The following NTRK3 variants were observed in gnomAD, a reference collection of about 807,000 sequenced individuals.
NTRK3 encodes NT-3 growth factor receptor.
NTRK3 carries 24 observed loss-of-function variants against 91.7 expected under a neutral mutation model. The ratio of observed to expected loss-of-function variants is 0.26; its 90% confidence interval spans 0.19 to 0.37. The LOEUF (loss-of-function observed/expected upper bound fraction) is 0.37, where lower values mean the gene tolerates loss of function less well. Among genes scored for constraint, NTRK3 ranks in the 10% least tolerant of loss-of-function variants. The pLI is 1.00. For synonymous variants in NTRK3, 483 were observed against 404.0 expected (o/e 1.20, Z -2.34); for missense variants, 880 against 1,068.9 (o/e 0.82, Z 2.46).
intron 14 of NTRK3, among the ~76,000 whole-genome samples, chr15:87,973,050 C>T (rs114477789): frequency 6.4e-4 from 98 of 152,284 alleles, no homozygotes; most frequent in African/African-American, 2.3e-3. Flanking sequence ...TGTCATTCCT[C>T]GCCATCCTGG....
chr15:88,145,754 C>T (rs569252004), intron 6 of NTRK3, among the ~76,000 whole-genome samples: 22 of 152,266 alleles, frequency 1.4e-4, no homozygotes, highest in Admixed American at 5.2e-4. Context: ...GAAGGGACTA[C>T]GGGTTCCAGA....
chr15:87,952,415 C>A (rs1227563156), intron 14 of NTRK3, among the ~76,000 whole-genome samples: 4 of 152,266 alleles, frequency 2.6e-5, no homozygotes, highest in African/African-American at 9.6e-5. Flanking sequence ...CTCTGTTGGG[C>A]TGCTCTGGTT....
chr15:87,939,482 T>G (rs2069603924), intron 15 of NTRK3, among the ~76,000 whole-genome samples: 1 of 152,240 alleles, frequency 6.6e-6, no homozygotes, highest in Non-Finnish European at 1.5e-5. Context: ...ATGCTATGCC[T>G]GCACTGTATT....
intron 3 of NTRK3, among the ~76,000 whole-genome samples, chr15:88,229,336 C>T (rs556913555): frequency 6.6e-6 from 1 of 152,150 alleles, no homozygotes; most frequent in African/African-American, 2.4e-5. Flanking sequence ...AGCAGGAGAA[C>T]TAGGATCAAA....
rs1425480581 is a variant in NTRK3, at chr15:88,146,216, A to G, written c.464+1119T>C. ...CAGTACACAAGGTCATCATGGGGTG[A>G]TAGGCTACTGGGATGCTTGATGTAA... is the stretch of plus-strand genomic sequence containing the variant. On this transcript the variant is annotated intron_variant, in intron 6 of 18. Coordinates refer to ENST00000394480, the Ensembl canonical transcript of NTRK3. Among the ~76,000 whole-genome samples the G allele has an allele frequency of 2.6e-5, 4 of 152,166 alleles. No individual in the cohort carries two copies. The East Asian group carries it at 7.7e-4, about 29-fold the overall frequency.
At chr15:88,116,304 G>T (rs1597400775) in intron 13 of NTRK3, among the ~76,000 whole-genome samples, 1 of 152,116 alleles carries the variant, frequency 6.6e-6, no homozygotes, top group Non-Finnish European at 1.5e-5. Flanking sequence ...GGTTATAGAG[G>T]CCCGGTGTGG....
exon 19 of NTRK3, chr15:87,864,722 CA>C (rs1242499401): frequency 4.4e-6 from 1 of 226,286 alleles, no homozygotes; most frequent in Non-Finnish European, 8.8e-6. Flanking sequence ...ATGCTAATGG[CA>C]AAACTTCTAA....
chr15:88,057,513 A>C (rs892346272), intron 13 of NTRK3, among the ~76,000 whole-genome samples: 2 of 152,016 alleles, frequency 1.3e-5, no homozygotes, highest in Non-Finnish European at 2.9e-5. Context: ...AAAAAAAAAA[A>C]AGAAAGAAAT....
chr15:87,971,954 G>A (rs2073291176), intron 14 of NTRK3, among the ~76,000 whole-genome samples: 1 of 152,186 alleles, frequency 6.6e-6, no homozygotes, highest in African/African-American at 2.4e-5. Context: ...ACATTACGAG[G>A]TCCCAAACAG....
At chr15:88,242,211 C>T (rs1247730753) in intron 3 of NTRK3, among the ~76,000 whole-genome samples, 1 of 152,196 alleles carries the variant, frequency 6.6e-6, no homozygotes, top group Non-Finnish European at 1.5e-5. Flanking sequence ...CTTCATCTCA[C>T]ACAGGCAGAG....
chr15:87,915,950 C>T (rs1360854764), intron 17 of NTRK3, among the ~76,000 whole-genome samples: 2 of 152,074 alleles, frequency 1.3e-5, no homozygotes, highest in East Asian at 1.9e-4. Flanking sequence ...AGTGGGTGCT[C>T]GGCCCATCTG....
intron 14 of NTRK3, among the ~76,000 whole-genome samples, chr15:87,995,884 G>C (rs949859464): frequency 3.5e-4 from 53 of 152,176 alleles, no homozygotes; most frequent in African/African-American, 1.3e-3. Context: ...ATTGAAATTT[G>C]AATTTCATAT....
chr15:88,034,300 T>TG (rs2078877774), intron 13 of NTRK3, among the ~76,000 whole-genome samples: 1 of 152,144 alleles, frequency 6.6e-6, no homozygotes, highest in African/African-American at 2.4e-5. Context: ...AAGAACATCA[T>TG]TTGTGTCTTC....
intron 5 of NTRK3, among the ~76,000 whole-genome samples, chr15:88,173,021 A>G (rs2045661640): frequency 6.6e-6 from 1 of 152,194 alleles, no homozygotes; most frequent in Non-Finnish European, 1.5e-5. Context: ...TATCCATTGA[A>G]AATCTGAAGC....
chr15:88,161,018 T>C (rs888763505), intron 5 of NTRK3, among the ~76,000 whole-genome samples: 3 of 152,298 alleles, frequency 2.0e-5, no homozygotes, highest in African/African-American at 4.8e-5. Context: ...TCAAGATAAA[T>C]TAATGCATGT....
intron 18 of NTRK3, among the ~76,000 whole-genome samples, chr15:87,879,122 C>A (rs529296032): frequency 6.6e-6 from 1 of 152,040 alleles, no homozygotes; most frequent in Non-Finnish European, 1.5e-5. Context: ...AGATAGTACA[C>A]GTTTTAAAAA....
intron 18 of NTRK3, 45 bp downstream of exon 19, chr15:87,880,225 T>G (rs2065168298): frequency 6.2e-7 from 1 of 1,613,114 alleles, no homozygotes. Flanking sequence ...AGATAGCTCT[T>G]ATGAGCCCTC....
At chr15:87,985,308 A>G (rs1039056211) in intron 14 of NTRK3, among the ~76,000 whole-genome samples, 3 of 152,214 alleles carry the variant, frequency 2.0e-5, no homozygotes, top group Non-Finnish European at 4.4e-5. Context: ...ATTGCCTGAC[A>G]TGTATAAGGC....
intron 6 of NTRK3, among the ~76,000 whole-genome samples, chr15:88,142,346 A>T (rs753639090): frequency 1.3e-4 from 20 of 152,124 alleles, no homozygotes; most frequent in Non-Finnish European, 2.6e-4. Flanking sequence ...GCTTACCAAC[A>T]CCCGGCACTT....
Sources: allele counts gnomAD v4.1 joint callset (sites outside exome capture counted in the v4.1 genomes callset), GRCh38; gene constraint gnomAD v4.1.1; transcripts MANE v1.5; gene names NCBI Gene and HGNC (gene_info 2026-07-23, HGNC 2026-07-21).